PABPC4L: variants seen among roughly 807,000 people sequenced by gnomAD.
PABPC4L encodes poly(A) binding protein cytoplasmic 4 like, also known as polyadenylate-binding protein 4-like.
For synonymous variants in PABPC4L, 169 were observed against 164.1 expected (o/e 1.03, Z -0.23); for missense variants, 452 against 451.4 (o/e 1.00, Z -0.01).
chr4:134,018,125 T>A, the PABPC4L span, among the ~76,000 whole-genome samples: 1 of 152,048 alleles, frequency 6.6e-6, no homozygotes, highest in African/African-American at 2.4e-5. Context: ...CATTGTCTCA[T>A]GAAATTCCTT....
the PABPC4L span, among the ~76,000 whole-genome samples, chr4:134,107,351 T>C: frequency 2.0e-5 from 3 of 151,696 alleles, no homozygotes; most frequent in East Asian, 5.8e-4. Context: ...ATAATTCTAA[T>C]ATTACATTTA....
At chr4:134,162,884 T>C in the PABPC4L span, among the ~76,000 whole-genome samples, 1 of 152,156 alleles carries the variant, frequency 6.6e-6, no homozygotes, top group African/African-American at 2.4e-5. Context: ...GGAACGTTTA[T>C]AGTGCTAAAT....
the PABPC4L span, among the ~76,000 whole-genome samples, chr4:134,089,829 C>T: frequency 6.6e-6 from 1 of 152,028 alleles, no homozygotes; most frequent in South Asian, 2.1e-4. Context: ...ATTCTGGAAC[C>T]ATGCCCCTGT....
the PABPC4L span, among the ~76,000 whole-genome samples, chr4:134,175,426 AATT>A: frequency 1.3e-4 from 20 of 151,962 alleles, no homozygotes; most frequent in South Asian, 6.2e-4. Context: ...TTATTTTTTA[AATT>A]AATTAATTAA....
At chr4:134,115,991 T>A in the PABPC4L span, among the ~76,000 whole-genome samples, 1 of 151,990 alleles carries the variant, frequency 6.6e-6, no homozygotes, top group East Asian at 1.9e-4. Flanking sequence ...ACTAAAATTT[T>A]AAATGCTTGC....
At chr4:133,968,006 T>G in the PABPC4L span, among the ~76,000 whole-genome samples, 9 of 152,188 alleles carry the variant, frequency 5.9e-5, no homozygotes, top group Non-Finnish European at 1.3e-4. Flanking sequence ...GTGTAACAGA[T>G]TCCTTTATCA....
At chr4:134,070,649 C>T in the PABPC4L span, among the ~76,000 whole-genome samples, 4 of 152,028 alleles carry the variant, frequency 2.6e-5, no homozygotes, top group Non-Finnish European at 5.9e-5. Context: ...GGGGGTGTGG[C>T]TGTGGGTCAC....
the PABPC4L span, among the ~76,000 whole-genome samples, chr4:134,045,116 A>T: frequency 6.6e-6 from 1 of 152,192 alleles, no homozygotes; most frequent in Admixed American, 6.6e-5. Flanking sequence ...TGCATATAAA[A>T]TTTATACTTT....
the PABPC4L span, among the ~76,000 whole-genome samples, chr4:134,009,795 T>C: frequency 6.6e-6 from 1 of 152,028 alleles, no homozygotes; most frequent in Non-Finnish European, 1.5e-5. Flanking sequence ...TTTTCCCCAA[T>C]AGAGGGAATT....
At chr4:134,178,365 C>CAAAAAAAAAAAAA in the PABPC4L span, among the ~76,000 whole-genome samples, 1 of 104,062 alleles carries the variant, frequency 9.6e-6, no homozygotes, top group Non-Finnish European at 2.0e-5. Flanking sequence ...AAGAAAAAAG[C>CAAAAAAAAAAAAA]AAAAAAAAAA....
chr4:134,040,137 CT>C, the PABPC4L span, among the ~76,000 whole-genome samples: 1 of 149,724 alleles, frequency 6.7e-6, no homozygotes, highest in Non-Finnish European at 1.5e-5. Flanking sequence ...AATGGCCATA[CT>C]GTTCAAAGTA....
At chr4:134,101,060 C>A in the PABPC4L span, among the ~76,000 whole-genome samples, 1 of 151,402 alleles carries the variant, frequency 6.6e-6, no homozygotes, top group Non-Finnish European at 1.5e-5. Context: ...ATTGGATCAG[C>A]TTGGCAATCT....
chr4:134,014,629 C>T, the PABPC4L span, among the ~76,000 whole-genome samples: 283 of 152,150 alleles, frequency 1.9e-3, 4 homozygotes, highest in African/African-American at 6.5e-3. Flanking sequence ...CAGATCTTCT[C>T]GGCTTAGCAG....
chr4:134,021,255 A>C, the PABPC4L span, among the ~76,000 whole-genome samples: 3 of 152,150 alleles, frequency 2.0e-5, no homozygotes, highest in African/African-American at 7.2e-5. Flanking sequence ...GAAATAAACA[A>C]TTATTAAGCT....
At chr4:134,072,094 GA>G in the PABPC4L span, among the ~76,000 whole-genome samples, 48 of 148,364 alleles carry the variant, frequency 3.2e-4, 1 homozygote, top group South Asian at 1.3e-3. Flanking sequence ...ATTTCTCTCT[GA>G]AAAAAAAAAT....
chr4:134,182,192 C>T, the PABPC4L span, among the ~76,000 whole-genome samples: 1 of 151,914 alleles, frequency 6.6e-6, no homozygotes, highest in African/African-American at 2.4e-5. Flanking sequence ...GAAAGCATCA[C>T]ATTGCCCAAC....
At chr4:134,107,205 A>G in the PABPC4L span, among the ~76,000 whole-genome samples, 2 of 151,424 alleles carry the variant, frequency 1.3e-5, no homozygotes, top group Non-Finnish European at 3.0e-5. Flanking sequence ...AGAATTATTT[A>G]GGGAAATAAT....
chr4:134,046,460 C>G, the PABPC4L span, among the ~76,000 whole-genome samples: 2 of 152,060 alleles, frequency 1.3e-5, no homozygotes, highest in African/African-American at 2.4e-5. Flanking sequence ...GGTTTTACAC[C>G]GAGACATTCC....
chr4:134,148,146 C>T, the PABPC4L span, among the ~76,000 whole-genome samples: 3 of 151,994 alleles, frequency 2.0e-5, no homozygotes, highest in African/African-American at 7.3e-5. Flanking sequence ...GACACAGAAA[C>T]ACAGAGATTG....
Sources: allele counts gnomAD v4.1 joint callset (sites outside exome capture counted in the v4.1 genomes callset), GRCh38; gene constraint gnomAD v4.1.1; transcripts MANE v1.5; gene names NCBI Gene and HGNC (gene_info 2026-07-23, HGNC 2026-07-21).